Variants in NRXN3 observed in about 807,000 individuals in gnomAD.
NRXN3 encodes the protein neurexin 3.
A neutral mutation model predicts 137.6 loss-of-function variants in NRXN3; 32 were observed. The ratio of observed to expected loss-of-function variants is 0.23; its 90% CI spans 0.18 to 0.31. NRXN3 has a LOEUF of 0.31. Ranked by LOEUF, NRXN3 falls within the 10% of genes least tolerant of loss-of-function variation. NRXN3 has a pLI of 1.00. For missense variants in NRXN3, 1,574 were observed against 2,062.5 expected (o/e 0.76, Z 4.59); for synonymous variants, 798 against 784.5 (o/e 1.02, Z -0.29).
intron 15 of NRXN3, among the ~76,000 whole-genome samples, chr14:79,212,190 G>C (rs1410531734): frequency 6.6e-6 from 1 of 152,148 alleles, no homozygotes. Flanking sequence ...CATTGTGTTT[G>C]GGCTGCGGCT....
intron 15 of NRXN3, among the ~76,000 whole-genome samples, chr14:79,113,872 C>T (rs141362375): frequency 1.3e-3 from 200 of 152,240 alleles, no homozygotes; most frequent in African/African-American, 3.9e-3. Context: ...TTCCTAATTC[C>T]GTCGGGCTAG....
At chr14:79,161,393 T>C (rs2199795) in intron 15 of NRXN3, among the ~76,000 whole-genome samples, 151,904 of 152,080 alleles carry the variant, frequency 1, 75,865 homozygotes, top group Non-Finnish European at 1. Flanking sequence ...TCTCTGTCAA[T>C]TGTATTCTGA....
chr14:79,251,460 A>G (rs1175787214), intron 15 of NRXN3, among the ~76,000 whole-genome samples: 1 of 152,186 alleles, frequency 6.6e-6, no homozygotes, highest in African/African-American at 2.4e-5. Flanking sequence ...GTCATTAACT[A>G]CAGTATACAA....
intron 10 of NRXN3, among the ~76,000 whole-genome samples, chr14:78,886,779 G>T (rs2099145011): frequency 6.6e-6 from 1 of 152,088 alleles, no homozygotes; most frequent in Admixed American, 6.5e-5. Context: ...TGTGCCTTTG[G>T]GTTTAATCTG....
intron 6 of NRXN3, among the ~76,000 whole-genome samples, chr14:78,691,554 C>T (rs1317482033): frequency 2.0e-5 from 3 of 152,132 alleles, no homozygotes; most frequent in African/African-American, 7.2e-5. Flanking sequence ...TCTCTTTGTC[C>T]TGGATCTAGG....
At chr14:79,024,285 C>T (rs1192227044) in intron 15 of NRXN3, among the ~76,000 whole-genome samples, 1 of 152,174 alleles carries the variant, frequency 6.6e-6, no homozygotes, top group African/African-American at 2.4e-5. Context: ...TCTCCTTTCT[C>T]TCTTTTTTTC....
At chr14:78,552,260 C>A (rs2096699100) in intron 4 of NRXN3, among the ~76,000 whole-genome samples, 1 of 152,200 alleles carries the variant, frequency 6.6e-6, no homozygotes, top group African/African-American at 2.4e-5. Flanking sequence ...GATTGGCTGG[C>A]ACATAGTAGG....
intron 16 of NRXN3, among the ~76,000 whole-genome samples, chr14:79,566,980 G>C (rs1316473359): frequency 6.6e-6 from 1 of 152,002 alleles, no homozygotes; most frequent in Non-Finnish European, 1.5e-5. Context: ...TGTTCAAATA[G>C]CTTAAACCCA....
At chr14:78,494,858 A>C (rs928586790) in intron 4 of NRXN3, among the ~76,000 whole-genome samples, 4 of 151,440 alleles carry the variant, frequency 2.6e-5, no homozygotes, top group African/African-American at 9.7e-5. Flanking sequence ...AATACCACCT[A>C]ATGGCCTGAG....
chr14:79,563,754 T>G (rs1489500007), intron 16 of NRXN3, among the ~76,000 whole-genome samples: 1 of 152,092 alleles, frequency 6.6e-6, no homozygotes, highest in African/African-American at 2.4e-5. Context: ...GTTGCAGGGC[T>G]TGGTAATTGA....
At chr14:79,747,840 T>A (rs2098984241) in intron 19 of NRXN3, among the ~76,000 whole-genome samples, 1 of 152,134 alleles carries the variant, frequency 6.6e-6, no homozygotes, top group South Asian at 2.1e-4. Context: ...GGTGGCTCGG[T>A]CATGCCCTTG....
chr14:78,895,796 T>G (rs2099172228), intron 10 of NRXN3, among the ~76,000 whole-genome samples: 1 of 151,860 alleles, frequency 6.6e-6, no homozygotes, highest in South Asian at 2.1e-4. Flanking sequence ...TCTATATTAT[T>G]GTGTCTCAGG....
intron 19 of NRXN3, among the ~76,000 whole-genome samples, chr14:79,768,360 C>T (rs1209734653): frequency 6.6e-6 from 1 of 152,220 alleles, no homozygotes; most frequent in East Asian, 1.9e-4. Context: ...CCTCTGCAGA[C>T]TTAAGTATCC....
chr14:79,303,227 G>C (rs997147207), intron 15 of NRXN3, among the ~76,000 whole-genome samples: 1 of 152,020 alleles, frequency 6.6e-6, no homozygotes, highest in Non-Finnish European at 1.5e-5. Flanking sequence ...ATCAGCTCTT[G>C]TCTAGATCTT....
rs149911968 is a variant in NRXN3 at position 78,458,104 on chromosome 14, C to T, written c.757+160244C>T. Among the ~76,000 whole-genome samples the T allele has an allele frequency of 2.9e-3, 440 of 152,258 alleles. 2 individuals carry two copies. The Middle Eastern group carries it at 0.041, about 14-fold the overall frequency. On this transcript the variant is annotated intron_variant, in intron 4 of 20. Coordinates refer to ENST00000335750, the MANE Select transcript of NRXN3 (RefSeq NM_001330195.2). ...GAGAAAGGAGGGAGACCTAACTATC[C>T]TGGAATGTCTCTGGGGAAGGAGACA... is the stretch of plus-strand genomic sequence containing the variant.
chr14:78,387,777 G>C (rs954949996), intron 4 of NRXN3, among the ~76,000 whole-genome samples: 11 of 152,270 alleles, frequency 7.2e-5, no homozygotes, highest in Non-Finnish European at 1.3e-4. Flanking sequence ...GCGAGTGACT[G>C]CCTTCTTTCC....
chr14:78,426,439 G>A (rs1256779911), intron 4 of NRXN3, among the ~76,000 whole-genome samples: 1 of 152,178 alleles, frequency 6.6e-6, no homozygotes, highest in African/African-American at 2.4e-5. Flanking sequence ...CTAGGTTCCT[G>A]GCTGGGGCCC....
At chr14:78,910,330 G>A (rs2099233460) in intron 10 of NRXN3, among the ~76,000 whole-genome samples, 1 of 152,068 alleles carries the variant, frequency 6.6e-6, no homozygotes, top group African/African-American at 2.4e-5. Context: ...CATTTGTGGG[G>A]TGCAGATATA....
At chr14:78,745,634 A>T (rs1033602547) in intron 8 of NRXN3, among the ~76,000 whole-genome samples, 3 of 152,208 alleles carry the variant, frequency 2.0e-5, no homozygotes, top group African/African-American at 7.2e-5. Context: ...TGTATAGGGC[A>T]TGGTGCCAGG....
Sources: allele counts gnomAD v4.1 joint callset (sites outside exome capture counted in the v4.1 genomes callset), GRCh38; gene constraint gnomAD v4.1.1; transcripts MANE v1.5; gene names NCBI Gene and HGNC (gene_info 2026-07-23, HGNC 2026-07-21).